Variants in B3GALNT2 observed in about 807,000 individuals in gnomAD.
B3GALNT2 encodes beta-1,3-N-acetylgalactosaminyltransferase 2, also known as UDP-GalNAc:beta-1,3-N-acetylgalactosaminyltransferase 2.
Under a neutral mutation model 61.1 loss-of-function variants are expected in B3GALNT2, and 53 were observed. The observed-to-expected ratio is 0.87, with a 90% CI of 0.70 to 1.09. B3GALNT2 has a LOEUF of 1.09. Among genes scored for constraint, B3GALNT2 ranks in the 50% least tolerant of loss-of-function variants. B3GALNT2 has a pLI of 0.00. For missense variants in B3GALNT2, 544 were observed against 623.0 expected, an observed-to-expected ratio of 0.87 and a Z score of 1.35; for synonymous variants, 223 against 237.4, an observed-to-expected ratio of 0.94 and a Z score of 0.56.
At position 235,476,867 on chromosome 1, in the gene B3GALNT2, A is replaced by G. The variant is rs150608746; in HGVS notation, c.651+3187T>C. ...GCTGTCTCAAAAAAAAAAAAAAGAT[A>G]TAAAAAATTTAGTTGGGTCTGGTGG... On this transcript the variant is annotated intron_variant, in intron 5 of 11. Transcript: ENST00000366600. Among the ~76,000 whole-genome samples the G allele has an allele frequency of 1.6e-3, 246 of 151,474 alleles. 1 individual carries two copies. In the South Asian group the frequency reaches 0.02, roughly 12 times the overall value.
intron 10 of B3GALNT2, 107 bp downstream of exon 10, chr1:235,454,049 G>A: frequency 9.4e-7 from 1 of 1,058,588 alleles, no homozygotes; most frequent in East Asian, 2.7e-5. Flanking sequence ...ATGTTACCCA[G>A]GCTGGTCTTG....
At chr1:235,489,612 T>C (rs983343157) in intron 2 of B3GALNT2, among the ~76,000 whole-genome samples, 3 of 152,198 alleles carry the variant, frequency 2.0e-5, no homozygotes, top group Non-Finnish European at 2.9e-5. Flanking sequence ...AAATTTTCCT[T>C]TGCTGCCTTC....
the B3GALNT2 span, chr1:235,440,810 G>A: frequency 6.6e-6 from 1 of 152,184 alleles, no homozygotes; most frequent in South Asian, 2.1e-4. Flanking sequence ...CTGGCACTTG[G>A]CATGCACGGT....
intron 7 of B3GALNT2, among the ~76,000 whole-genome samples, chr1:235,462,594 T>C (rs1558414596): frequency 6.6e-6 from 1 of 152,186 alleles, no homozygotes; most frequent in Non-Finnish European, 1.5e-5. Context: ...AAAATTAAAT[T>C]AGAAAAACAA....
Position 235,449,000 on chromosome 1 carries a change from TACAGCTCATCACTGC to T in B3GALNT2, c.*1191_*1205del. 1 of 445,916 alleles carries T rather than the reference TACAGCTCATCACTGC, an allele frequency of 2.2e-6. No homozygotes were observed. The highest frequency in any genetic ancestry group is 2.2e-5 in the South Asian group (1 of 46,450). 27.6% of individuals were successfully genotyped at this position (445,916 alleles called of 1,614,324 possible). ...TCTGATCTTATTTCATATTTATTTT[TACAGCTCATCACTGC>T]ATTTCATGATAAGATTTAAATATTA... is the stretch of plus-strand genomic sequence containing the variant. On this transcript the variant is annotated 3_prime_UTR_variant, in exon 12 of 12. Transcript: ENST00000366600.
At chr1:235,471,317 CCTA>C (rs1408028448) in intron 5 of B3GALNT2, among the ~76,000 whole-genome samples, 4 of 152,074 alleles carry the variant, frequency 2.6e-5, no homozygotes, top group Non-Finnish European at 5.9e-5. Flanking sequence ...CTCATTTTCC[CCTA>C]CTATTAGACA....
chr1:235,492,938 A>G (rs1260746350), intron 2 of B3GALNT2, among the ~76,000 whole-genome samples: 1 of 152,232 alleles, frequency 6.6e-6, no homozygotes, highest in African/African-American at 2.4e-5. Context: ...GTCAAATACC[A>G]CAACAAAGAC....
chr1:235,502,209 C>T (rs1685612696), intron 1 of B3GALNT2, among the ~76,000 whole-genome samples: 1 of 152,144 alleles, frequency 6.6e-6, no homozygotes, highest in South Asian at 2.1e-4. Context: ...GACGGGGTTT[C>T]GCCATGTTGG....
At chr1:235,490,374 G>T (rs968085185) in intron 2 of B3GALNT2, among the ~76,000 whole-genome samples, 3 of 152,192 alleles carry the variant, frequency 2.0e-5, no homozygotes, top group Non-Finnish European at 1.5e-5. Context: ...GGGATTACAG[G>T]CGTGTGCCAC....
In B3GALNT2 at chr1:235,489,398, C is replaced by G. The variant is rs911531227; in HGVS notation, c.261-130G>C. On this transcript the variant is annotated intron_variant, in intron 2 of 11. Transcript: ENST00000366600. ...TGAGGATTAATTCTCTACCTTTATT[C>G]TTCTAGTCAGACAAAATGGGGGAAC... 25 of 1,387,990 alleles carry G rather than the reference C, an allele frequency of 1.8e-5. No homozygotes were observed. In the African/African-American group the frequency reaches 3.6e-4, roughly 20 times the overall value. 86.0% of individuals were successfully genotyped at this position (1,387,990 alleles called of 1,614,324 possible).
In B3GALNT2 at chr1:235,483,477, G is replaced by A. The variant is rs533042789; in HGVS notation, c.555+845C>T. ...CACCAGGCCTGGTGCGGTGCCTCAC[G>A]CCTGTAATCCCAGCACTTTGGGAGG... On this transcript the variant is annotated intron_variant, in intron 4 of 11. Transcript: ENST00000366600. Among the ~76,000 whole-genome samples, 17 of 152,244 alleles carry A rather than the reference G, an allele frequency of 1.1e-4. No individual in the cohort carries two copies. In the East Asian group the frequency reaches 3.3e-3, roughly 29 times the overall value.
rs368458105 is a variant in B3GALNT2, at chr1:235,470,764, T to G, written c.762+86A>C. 54 of 1,526,296 alleles carry G rather than the reference T, an allele frequency of 3.5e-5. No individual in the cohort carries two copies. The African/African-American group carries it at 7.0e-4, about 20-fold the overall frequency. 94.5% of individuals were successfully genotyped at this position (1,526,296 alleles called of 1,614,324 possible). ...ACAAGAATCATTGCTCCATGCTGCC[T>G]GGGCTCTAAGGTAAATTTTAGAACA... On this transcript the variant is annotated intron_variant, in intron 6 of 11. Transcript: ENST00000366600.
chr1:235,455,125 T>TTTA (rs915440002), intron 9 of B3GALNT2, among the ~76,000 whole-genome samples: 1 of 147,584 alleles, frequency 6.8e-6, no homozygotes, highest in Admixed American at 6.7e-5. Flanking sequence ...TAATATAAAA[T>TTTA]TTATTATTAT....
rs80134190 is a variant in B3GALNT2 at position 235,461,937 on chromosome 1, T to C, written c.842-3151A>G. Among the ~76,000 whole-genome samples the C allele has an allele frequency of 8.0e-3, 1,226 of 152,350 alleles. 15 individuals carry two copies. Among genetic ancestry groups the C allele is most frequent in the African/African-American group, 0.027 (1,115 of 41,584 alleles). On this transcript the variant is annotated intron_variant, in intron 7 of 11. Coordinates refer to ENST00000366600, the MANE Select transcript of B3GALNT2 (RefSeq NM_152490.5). The stretch of plus-strand genomic sequence containing the variant: ...TTCTGTTTCTCATGTGACTACAGTC[T>C]TGTGAGATGTTCAACCTTTATTATG...
chr1:235,491,052 T>C (rs1467699198), intron 2 of B3GALNT2, among the ~76,000 whole-genome samples: 2 of 151,270 alleles, frequency 1.3e-5, no homozygotes, highest in South Asian at 4.2e-4. Context: ...TAATGTGATG[T>C]GTCTATCTAT....
At chr1:235,471,005 C>A (rs771775776) in intron 5 of B3GALNT2, 45 bp from the exon 6 acceptor site, 3 of 1,598,578 alleles carry the variant, frequency 1.9e-6, no homozygotes, top group East Asian at 2.2e-5. Context: ...TTATTGCTGT[C>A]ATTTAGGTTT....
chr1:235,464,449 C>T (rs1683588852), intron 7 of B3GALNT2: 1 of 150,578 alleles, frequency 6.6e-6, no homozygotes, highest in African/African-American at 2.5e-5. Context: ...TCCCTCACCA[C>T]CTTCTCCCTC....
chr1:235,496,540 C>T (rs1685330822), intron 1 of B3GALNT2, among the ~76,000 whole-genome samples: 1 of 148,292 alleles, frequency 6.7e-6, no homozygotes, highest in Admixed American at 6.7e-5. Context: ...GAGGTAGGTA[C>T]TTGTTTCTTT....
chr1:235,466,205 AATTT>A (rs989204004), intron 6 of B3GALNT2, among the ~76,000 whole-genome samples: 2 of 150,342 alleles, frequency 1.3e-5, no homozygotes, highest in African/African-American at 4.9e-5. Context: ...ATTAAAAAAA[AATTT>A]TTTTTTAATT....
Sources: allele counts gnomAD v4.1 joint callset (sites outside exome capture counted in the v4.1 genomes callset), GRCh38; gene constraint gnomAD v4.1.1; transcripts MANE v1.5; gene names NCBI Gene and HGNC (gene_info 2026-07-23, HGNC 2026-07-21).